Variants in ASAP1 observed in about 807,000 individuals in gnomAD.
The protein encoded by ASAP1 is ArfGAP with SH3 domain, ankyrin repeat and PH domain 1, also known as arf-GAP with SH3 domain, ANK repeat and PH domain-containing protein 1.
Under a neutral mutation model 145.2 loss-of-function variants are expected in ASAP1, and 43 were observed. That is an observed-to-expected ratio of 0.30 (90% CI 0.23 to 0.38). ASAP1 has a LOEUF of 0.38. Among genes scored for constraint, ASAP1 ranks in the 10% least tolerant of loss-of-function variants. The pLI, the probability that ASAP1 is intolerant of heterozygous loss-of-function variation, is 1.00. For synonymous variants in ASAP1, 546 were observed against 515.5 expected, an observed-to-expected ratio of 1.06 and a Z score of -0.80; for missense variants, 1,018 against 1,355.3, an observed-to-expected ratio of 0.75 and a Z score of 3.91.
At chr8:130,332,917 T>TC (rs34587973) in intron 3 of ASAP1, among the ~76,000 whole-genome samples, 31 of 78,388 alleles carry the variant, frequency 4.0e-4, no homozygotes, top group Middle Eastern at 6.5e-3. Context: ...AAAAAAGAAG[T>TC]TTTTTTTTTT....
chr8:130,237,010 G>C lies in ASAP1; in HGVS notation c.187-16C>G. The C allele has an allele frequency of 1.3e-6, 2 of 1,537,654 alleles. No individual in the cohort carries two copies. Among genetic ancestry groups the C allele is most frequent in the Non-Finnish European group, 1.8e-6 (2 of 1,137,252 alleles). ...GGTCTAGAGCCTAAAAGAGAAAAAA[G>C]GGGGAAAAGATATTAGAAGATTTGG... On this transcript the variant is annotated splice_polypyrimidine_tract_variant and intron_variant, in intron 3 of 29. Coordinates refer to ENST00000518721, the MANE Select transcript of ASAP1 (RefSeq NM_018482.4).
chr8:130,109,368 G>A (rs149357338), intron 24 of ASAP1, among the ~76,000 whole-genome samples: 78 of 152,232 alleles, frequency 5.1e-4, no homozygotes, highest in Middle Eastern at 3.4e-3. Flanking sequence ...CTTGAATTTC[G>A]ATGAGGCAGC....
At chr8:130,121,751 T>C (rs2097566346) in intron 18 of ASAP1, among the ~76,000 whole-genome samples, 1 of 113,950 alleles carries the variant, frequency 8.8e-6, no homozygotes, top group Non-Finnish European at 1.6e-5. Context: ...ATCACTGCAC[T>C]CCAGCCTAGG....
At chr8:130,152,879 CATA>C (rs2097649527) in intron 12 of ASAP1, 74 bp from the exon 13 acceptor site, 3 of 1,111,110 alleles carry the variant, frequency 2.7e-6, no homozygotes, top group Non-Finnish European at 2.5e-6. Flanking sequence ...CAGTATGATA[CATA>C]ATAATAATTA....
intron 3 of ASAP1, among the ~76,000 whole-genome samples, chr8:130,293,982 G>A (rs938407336): frequency 2.0e-5 from 3 of 152,190 alleles, no homozygotes; most frequent in Admixed American, 2.0e-4. Flanking sequence ...CAAATACTCT[G>A]CTAATGTTTT....
chr8:130,203,276 A>G (rs775640650), intron 5 of ASAP1, among the ~76,000 whole-genome samples: 4 of 152,244 alleles, frequency 2.6e-5, no homozygotes, highest in Non-Finnish European at 5.9e-5. Flanking sequence ...CCCAGGCAAG[A>G]AGATGCCAGA....
At chr8:130,240,162 G>A (rs1486221780) in intron 3 of ASAP1, among the ~76,000 whole-genome samples, 2 of 152,006 alleles carry the variant, frequency 1.3e-5, no homozygotes, top group African/African-American at 2.4e-5. Flanking sequence ...GGGGGGGAGC[G>A]GGTACAGTCT....
intron 27 of ASAP1, among the ~76,000 whole-genome samples, chr8:130,070,840 G>A (rs867179312): frequency 1.9e-3 from 34 of 17,706 alleles, no homozygotes; most frequent in African/African-American, 3.8e-3. Context: ...GGAGAGAGAG[G>A]GAGAGAGGGA....
At chr8:130,344,929 T>TA (rs1055163043) in intron 3 of ASAP1, among the ~76,000 whole-genome samples, 2 of 152,202 alleles carry the variant, frequency 1.3e-5, no homozygotes, top group African/African-American at 4.8e-5. Flanking sequence ...GTTTTAGTCC[T>TA]AAAGGTATTG....
rs141108243 is a variant in ASAP1, at chr8:130,116,332, C to T, written c.2064+346G>A. ...GAAGACCACTACTCTCTGAGCTTTA[C>T]TTGCCCAATTTTTGGAGCAGCTTCT... On this transcript the variant is annotated intron_variant, in intron 22 of 29. Transcript: ENST00000518721. 3.3e-5 allele frequency among the ~76,000 whole-genome samples: 5 copies of T among 152,346 alleles called. No homozygotes were observed. The East Asian group carries it at 9.6e-4, about 29-fold the overall frequency.
At chr8:130,071,808 T>A (rs1407831186) in intron 27 of ASAP1, among the ~76,000 whole-genome samples, 1 of 152,210 alleles carries the variant, frequency 6.6e-6, no homozygotes, top group East Asian at 1.9e-4. Flanking sequence ...TCATACACTA[T>A]GATGGACTGG....
intron 11 of ASAP1, among the ~76,000 whole-genome samples, chr8:130,161,205 T>A (rs1051596593): frequency 1.3e-5 from 2 of 152,194 alleles, no homozygotes; most frequent in African/African-American, 4.8e-5. Flanking sequence ...TTTTTTTTTT[T>A]ATTTTTCCCC....
chr8:130,347,284 A>G (rs1370613313), intron 3 of ASAP1, among the ~76,000 whole-genome samples: 1 of 152,238 alleles, frequency 6.6e-6, no homozygotes, highest in Non-Finnish European at 1.5e-5. Context: ...AAAACTAGGC[A>G]GCACAGTGCT....
chr8:130,235,529 G>A (rs535633542), intron 4 of ASAP1, among the ~76,000 whole-genome samples: 16 of 152,200 alleles, frequency 1.1e-4, no homozygotes, highest in African/African-American at 3.6e-4. Context: ...CACAGTGTGG[G>A]AGTTCATTGA....
intron 1 of ASAP1, among the ~76,000 whole-genome samples, chr8:130,406,820 T>C (rs1412495925): frequency 1.3e-5 from 2 of 152,156 alleles, no homozygotes; most frequent in African/African-American, 4.8e-5. Flanking sequence ...TCCTGTTCTG[T>C]GGAAGCTGTA....
At position 130,055,973 on chromosome 8, in the gene ASAP1, C is replaced by T. The variant is rs866376624; in HGVS notation, c.3316-1168G>A. Among the ~76,000 whole-genome samples, 8 of 152,280 alleles carry T rather than the reference C, an allele frequency of 5.3e-5. No homozygotes were observed. The South Asian group carries it at 8.3e-4, about 16-fold the overall frequency. Reference sequence around the variant, plus strand: ...CACCATCTTTACATCTGGCGAGGCACGTAATGGTGGCACACACAATGTCCC... The same window carrying T: ...CACCATCTTTACATCTGGCGAGGCATGTAATGGTGGCACACACAATGTCCC... On this transcript the variant is annotated intron_variant, in intron 29 of 29. Coordinates refer to ENST00000518721, the MANE Select transcript of ASAP1 (RefSeq NM_018482.4).
At chr8:130,297,584 T>A (rs1240753583) in intron 3 of ASAP1, among the ~76,000 whole-genome samples, 1 of 152,188 alleles carries the variant, frequency 6.6e-6, no homozygotes, top group Non-Finnish European at 1.5e-5. Context: ...TCTACAGAAG[T>A]GCAGGACGAC....
intron 28 of ASAP1, among the ~76,000 whole-genome samples, chr8:130,060,158 G>C (rs972285001): frequency 6.6e-6 from 1 of 150,766 alleles, no homozygotes; most frequent in Non-Finnish European, 1.5e-5. Flanking sequence ...GGTTTCTCGT[G>C]ACCCTCAGGA....
At chr8:130,323,007 G>A (rs1824105376) in intron 3 of ASAP1, among the ~76,000 whole-genome samples, 2 of 152,200 alleles carry the variant, frequency 1.3e-5, no homozygotes, top group African/African-American at 4.8e-5. Context: ...AACTGGATGA[G>A]AAAAAGATCA....
Sources: allele counts gnomAD v4.1 joint callset (sites outside exome capture counted in the v4.1 genomes callset), GRCh38; gene constraint gnomAD v4.1.1; transcripts MANE v1.5; gene names NCBI Gene and HGNC (gene_info 2026-07-23, HGNC 2026-07-21).